The following DCUN1D4 variants were observed in gnomAD, a reference collection of about 807,000 sequenced individuals.
The protein encoded by DCUN1D4 is defective in cullin neddylation 1 domain containing 4.
Under a neutral mutation model 47.9 loss-of-function variants are expected in DCUN1D4, and 22 were observed. That is an observed-to-expected ratio of 0.46 (90% CI 0.33 to 0.66). DCUN1D4 has a LOEUF of 0.66. DCUN1D4 is among the 30% of genes least tolerant of loss of function. DCUN1D4 has a pLI of 0.02. For synonymous variants in DCUN1D4, 121 were observed against 112.2 expected (o/e 1.08, Z -0.50); for missense variants, 301 against 340.8 (o/e 0.88, Z 0.92).
chr4:51,881,430 A>T (rs1326348751), intron 5 of DCUN1D4, among the ~76,000 whole-genome samples: 1 of 152,146 alleles, frequency 6.6e-6, no homozygotes, highest in East Asian at 1.9e-4. Context: ...GTTAAAAACT[A>T]CCTAAGAGAC....
intron 4 of DCUN1D4, chr4:51,875,291 C>G (rs1331831041): frequency 6.6e-6 from 1 of 152,178 alleles, no homozygotes; most frequent in Non-Finnish European, 1.5e-5. Context: ...GATTTTTCAA[C>G]TTTACAAAGG....
chr4:51,839,168 GGAAGGAAGGAAGAAAGGA>G (rs1307226815), upstream of DCUN1D4, among the ~76,000 whole-genome samples: 2 of 140,448 alleles, frequency 1.4e-5, no homozygotes, highest in African/African-American at 5.5e-5. Context: ...GGAAGGAGAA[GGAAGGAAGGAAGAAAGGA>G]GAAGGAAGGA....
At chr4:51,843,529 G>A in intron 1 of DCUN1D4, 1 of 1,293,580 alleles carries the variant, frequency 7.7e-7, no homozygotes, top group South Asian at 2.6e-5. Flanking sequence ...TTTCAGTGTT[G>A]GGGGAAGGGA....
rs924004132 is a variant in DCUN1D4 at position 51,843,187 on chromosome 4, G to A, written c.-56G>A. 5.2e-6 allele frequency: 8 copies of A among 1,535,940 alleles called. No homozygotes were observed. Among genetic ancestry groups the A allele is most frequent in the South Asian group, 2.4e-5 (2 of 82,504 alleles). Reference sequence around the variant, plus strand: ...CCGAGGTGCAGTGAGCTGGTGGGGGGACCGCGAGGCGAGCGCGGGAGCCTG... The same window carrying A: ...CCGAGGTGCAGTGAGCTGGTGGGGGAACCGCGAGGCGAGCGCGGGAGCCTG... On this transcript the variant is annotated 5_prime_UTR_variant, in exon 1 of 11. Coordinates refer to ENST00000334635, the MANE Select transcript of DCUN1D4 (RefSeq NM_001040402.3).
intron 7 of DCUN1D4, among the ~76,000 whole-genome samples, chr4:51,893,157 A>G (rs566515769): frequency 2.5e-4 from 38 of 152,316 alleles, no homozygotes; most frequent in African/African-American, 8.4e-4. Context: ...TGGGAAGAAC[A>G]CTTAAGACTT....
intron 6 of DCUN1D4, among the ~76,000 whole-genome samples, chr4:51,887,874 A>T (rs1729748192): frequency 6.9e-6 from 1 of 145,416 alleles, no homozygotes; most frequent in South Asian, 2.2e-4. Flanking sequence ...TTCACTTATT[A>T]CATAGATTTT....
At chr4:51,849,040 G>A (rs28541599) in intron 1 of DCUN1D4, among the ~76,000 whole-genome samples, 63,345 of 151,902 alleles carry the variant, frequency 0.42, 15,951 homozygotes, top group African/African-American at 0.71. Flanking sequence ...CCTGCCCCAC[G>A]ACCACAATTG....
intron 5 of DCUN1D4, among the ~76,000 whole-genome samples, chr4:51,881,297 C>G (rs994883895): frequency 6.6e-6 from 1 of 152,236 alleles, no homozygotes; most frequent in African/African-American, 2.4e-5. Context: ...CAAGTCCTGA[C>G]TGTAGGCCCT....
chr4:51,862,807 A>G (rs1454376346), intron 1 of DCUN1D4, among the ~76,000 whole-genome samples: 2 of 151,936 alleles, frequency 1.3e-5, no homozygotes, highest in Non-Finnish European at 2.9e-5. Context: ...CCAGGAGTTC[A>G]AGACCAGCCT....
intron 1 of DCUN1D4, chr4:51,848,179 T>TA: frequency 8.0e-7 from 1 of 1,256,134 alleles, no homozygotes; most frequent in Non-Finnish European, 1.0e-6. Context: ...GTATGCAAAC[T>TA]AATTTAATAT....
At chr4:51,845,385 A>G (rs1324206880) in intron 1 of DCUN1D4, 1 of 617,232 alleles carries the variant, frequency 1.6e-6, no homozygotes, top group Non-Finnish European at 2.0e-6. Context: ...CAAAGGTAAT[A>G]TGTGACGTCT....
intron 5 of DCUN1D4, among the ~76,000 whole-genome samples, chr4:51,881,833 A>G (rs192898518): frequency 5.9e-5 from 9 of 152,260 alleles, no homozygotes; most frequent in East Asian, 5.8e-4. Flanking sequence ...AAATCATGCA[A>G]TTACAACTAG....
In DCUN1D4 at chr4:51,844,891, T is replaced by A; in HGVS notation, c.25+1624T>A. 3.0e-6 allele frequency: 3 copies of A among 985,098 alleles called. 1 individual carries two copies. The highest frequency in any genetic ancestry group is 9.4e-5 in the South Asian group (2 of 21,226). 61.0% of individuals were successfully genotyped at this position (985,098 alleles called of 1,614,324 possible). A position where few individuals can be genotyped will look rare whatever the true frequency, so the allele number is the denominator to read the frequency against. On this transcript the variant is annotated intron_variant, in intron 1 of 10. Transcript: ENST00000334635. The stretch of plus-strand genomic sequence containing the variant: ...CTTGGAGCCTTCCTGCTCGGCCAAC[T>A]CGTGCTTTATTCCCCGGCCAGCTCC...
intron 1 of DCUN1D4, chr4:51,848,392 G>T: frequency 9.0e-7 from 1 of 1,112,968 alleles, no homozygotes; most frequent in Non-Finnish European, 1.1e-6. Context: ...GGCCTAGAGT[G>T]TTTGTCCTTT....
At chr4:51,889,345 G>A (rs565886517) in intron 6 of DCUN1D4, among the ~76,000 whole-genome samples, 19 of 152,292 alleles carry the variant, frequency 1.2e-4, no homozygotes, top group Non-Finnish European at 2.6e-4. Context: ...GGGCAAGCAC[G>A]TTTAAGGTAT....
chr4:51,879,672 C>T (rs1039103588), intron 5 of DCUN1D4, among the ~76,000 whole-genome samples: 2 of 152,194 alleles, frequency 1.3e-5, no homozygotes, highest in African/African-American at 4.8e-5. Flanking sequence ...GAATGAAGAG[C>T]GTTCTCATAT....
intron 8 of DCUN1D4, among the ~76,000 whole-genome samples, chr4:51,906,562 C>T (rs200743760): frequency 2.6e-5 from 4 of 152,164 alleles, no homozygotes; most frequent in African/African-American, 9.7e-5. Flanking sequence ...CGTGTGTCCA[C>T]GTGCACACTC....
intron 1 of DCUN1D4, among the ~76,000 whole-genome samples, chr4:51,849,191 G>T (rs192810880): frequency 6.6e-6 from 1 of 152,266 alleles, no homozygotes; most frequent in Admixed American, 6.5e-5. Context: ...AGACACACTC[G>T]CCTGAGACTG....
Position 51,901,554 on chromosome 4 carries a change from G to A in DCUN1D4, c.615+2176G>A, listed in dbSNP as rs1043188906. ...GTGCTGGGCCCTTGCCTAGAGCCCC[G>A]TTTGCATTAGCACAGTTGTACCCAT... is the stretch of plus-strand genomic sequence containing the variant. On this transcript the variant is annotated intron_variant, in intron 8 of 10. Transcript: ENST00000334635. Among the ~76,000 whole-genome samples the A allele has an allele frequency of 5.9e-5, 9 of 152,140 alleles. No individual in the cohort carries two copies. In the East Asian group the frequency reaches 9.7e-4, roughly 16 times the overall value.
Sources: allele counts gnomAD v4.1 joint callset (sites outside exome capture counted in the v4.1 genomes callset), GRCh38; gene constraint gnomAD v4.1.1; transcripts MANE v1.5; gene names NCBI Gene and HGNC (gene_info 2026-07-23, HGNC 2026-07-21).